TEX14: variants seen among roughly 807,000 people sequenced by gnomAD.
The protein encoded by TEX14 is testis expressed 14, intercellular bridge forming factor.
Under a neutral mutation model 178.6 loss-of-function variants are expected in TEX14, and 168 were observed. The ratio of observed to expected loss-of-function variants is 0.94; its 90% CI spans 0.83 to 1.07. TEX14 has a LOEUF of 1.07. TEX14 is among the 50% of genes least tolerant of loss of function. The pLI is 0.00. For synonymous variants in TEX14, 626 were observed against 634.1 expected (o/e 0.99, Z 0.19); for missense variants, 1,730 against 1,753.6 (o/e 0.99, Z 0.24).
intron 24 of TEX14, among the ~76,000 whole-genome samples, chr17:58,570,867 A>G: frequency 6.6e-6 from 1 of 151,708 alleles, no homozygotes; most frequent in Non-Finnish European, 1.5e-5. Flanking sequence ...CTGATCTCAA[A>G]TGATCCACCC....
At chr17:58,574,474 G>A (rs1303412731) in intron 21 of TEX14, among the ~76,000 whole-genome samples, 5 of 151,858 alleles carry the variant, frequency 3.3e-5, no homozygotes, top group Admixed American at 6.6e-5. Context: ...TCAACAGATC[G>A]AGACCATCCT....
chr17:58,639,537 C>T (rs2046524186), intron 2 of TEX14, among the ~76,000 whole-genome samples: 1 of 151,910 alleles, frequency 6.6e-6, no homozygotes. Context: ...CACGTCTCTA[C>T]TAAAAATACA....
intron 5 of TEX14, among the ~76,000 whole-genome samples, chr17:58,618,230 G>A (rs531431814): frequency 5.9e-5 from 9 of 152,214 alleles, no homozygotes; most frequent in Admixed American, 1.3e-4. Flanking sequence ...AGTTTGGGGG[G>A]TGATTCATTA....
At chr17:58,575,970 C>G (rs905866231) in intron 21 of TEX14, among the ~76,000 whole-genome samples, 9 of 152,104 alleles carry the variant, frequency 5.9e-5, no homozygotes, top group Admixed American at 3.3e-4. Flanking sequence ...TGGTATGTGC[C>G]TCACAGGGTT....
chr17:58,573,218 G>T lies in TEX14; in HGVS notation c.3474C>A (p.Asn1158Lys), dbSNP rs777553777. 1.1e-4 allele frequency: 181 copies of T among 1,613,874 alleles called. No individual in the cohort carries two copies. Among genetic ancestry groups the T allele is most frequent in the Non-Finnish European group, 1.4e-4 (163 of 1,179,864 alleles). ...GAGTGCTGACACTGGTAGGTGCATG[G>T]TTTATTTTGGGTGTTTTGCATGAAG... ...KEASCKTPKI[N>K]HAPTSVSTPL... Residue 1158 changes from asparagine to lysine, a missense_variant, in exon 23 of 32, where the codon AAC becomes AAA. Physicochemically the swap from Asn to Lys is moderately conservative, Grantham distance 94. Around this residue, in one of 2 missense-constraint regions of TEX14, gnomAD observed 941 missense variants for 1,072.4 expected, o/e 0.88. Transcript: ENST00000349033.
At chr17:58,635,329 T>C (rs1290309890) in intron 2 of TEX14, among the ~76,000 whole-genome samples, 1 of 151,736 alleles carries the variant, frequency 6.6e-6, no homozygotes, top group East Asian at 1.9e-4. Flanking sequence ...TGACAAGAAA[T>C]TATAGTTATT....
chr17:58,669,733 C>CAAAAAAA (rs71367615), intron 1 of TEX14, among the ~76,000 whole-genome samples: 2 of 56,296 alleles, frequency 3.6e-5, no homozygotes, highest in Non-Finnish European at 7.0e-5. Flanking sequence ...GACTCCGTCT[C>CAAAAAAA]AAAAAAAAAA....
chr17:58,668,471 T>A (rs1188788891), intron 1 of TEX14, among the ~76,000 whole-genome samples: 1 of 152,220 alleles, frequency 6.6e-6, no homozygotes, highest in Non-Finnish European at 1.5e-5. Context: ...GACTGTCTAC[T>A]GAATCATCTT....
intron 4 of TEX14, 56 bp downstream of exon 4, chr17:58,622,791 C>A: frequency 1.3e-6 from 2 of 1,522,618 alleles, no homozygotes; most frequent in Non-Finnish European, 1.8e-6. Flanking sequence ...GGGAGCCTGA[C>A]TCTCAGCCCA....
chr17:58,602,620 A>T, intron 11 of TEX14, 30 bp from the exon 12 acceptor site: 1 of 1,578,242 alleles, frequency 6.3e-7, no homozygotes, highest in Non-Finnish European at 8.6e-7. Flanking sequence ...CAAAAGAGTA[A>T]ATTAGGAAAC....
chr17:58,637,370 G>A (rs529149943), intron 2 of TEX14, among the ~76,000 whole-genome samples: 1 of 152,300 alleles, frequency 6.6e-6, no homozygotes, highest in African/African-American at 2.4e-5. Context: ...CTAGTGGCTG[G>A]GGCCACCCAG....
At chr17:58,603,491 G>A (rs1370868052) in intron 11 of TEX14, among the ~76,000 whole-genome samples, 1 of 150,000 alleles carries the variant, frequency 6.7e-6, no homozygotes, top group South Asian at 2.1e-4. Context: ...GGAGGTGGAG[G>A]TTGCAGTGAG....
At chr17:58,591,853 T>C (rs2144437617) in intron 15 of TEX14, among the ~76,000 whole-genome samples, 1 of 149,976 alleles carries the variant, frequency 6.7e-6, no homozygotes, top group Non-Finnish European at 1.5e-5. Context: ...AGGTCAGGAG[T>C]TCAAGACCAG....
Position 58,559,555 on chromosome 17 carries a change from T to G in TEX14, c.4165A>C (p.Asn1389His), listed in dbSNP as rs764543644. Residue 1389 changes from asparagine to histidine, a missense_variant, in exon 30 of 32, where the codon AAT becomes CAT. This residue lies in a region of TEX14 where 941 missense variants were observed against 1,072.4 expected (regional missense o/e 0.88). Coordinates refer to ENST00000349033, the MANE Select transcript of TEX14 (RefSeq NM_031272.5). Reference protein sequence around the residue: ...DLPKGSERETNIKDQKVGEEK... With the variant: ...DLPKGSERETHIKDQKVGEEK... ...TCACCAACTTTTTGATCTTTGATAT[T>G]TGTCTCCCTGTAACAACAATTATTT... The G allele has an allele frequency of 2.0e-6, 3 of 1,484,954 alleles. No homozygotes were observed. Among genetic ancestry groups the G allele is most frequent in the Non-Finnish European group, 1.9e-6 (2 of 1,065,092 alleles). 92.0% of individuals were successfully genotyped at this position (1,484,954 alleles called of 1,614,324 possible).
rs1234077564 is a variant in TEX14, at chr17:58,587,574, T to A, written c.2788+7A>T. On this transcript the variant is annotated splice_region_variant and intron_variant, in intron 17 of 31. Transcript: ENST00000349033. ...TTGTCTAATAAAACCCATGACTTTA[T>A]ACTCACTTTTCCATTTTAAGTGTAC... 6.6e-7 allele frequency: 1 copy of A among 1,509,164 alleles called. No individual in the cohort carries two copies. The highest frequency in any genetic ancestry group is 9.1e-7 in the Non-Finnish European group (1 of 1,092,954). 93.5% of individuals were successfully genotyped at this position (1,509,164 alleles called of 1,614,324 possible). A position where few individuals can be genotyped will look rare whatever the true frequency, so the allele number is the denominator to read the frequency against.
chr17:58,593,310 G>A (rs1174175168), intron 15 of TEX14, among the ~76,000 whole-genome samples: 2 of 152,192 alleles, frequency 1.3e-5, no homozygotes, highest in African/African-American at 4.8e-5. Flanking sequence ...AAGATGCTTT[G>A]CTTCTAACAA....
At chr17:58,586,123 AC>A in intron 17 of TEX14, 41 bp from the exon 18 acceptor site, 1 of 1,555,300 alleles carries the variant, frequency 6.4e-7, no homozygotes, top group South Asian at 1.2e-5. Context: ...ATCACTGTAA[AC>A]ACTGGAAACA....
Position 58,599,210 on chromosome 17 carries a change from G to T in TEX14, c.2135C>A (p.Ala712Asp). The T allele has an allele frequency of 6.2e-7, 1 of 1,613,942 alleles. No homozygotes were observed. The highest frequency in any genetic ancestry group is 1.7e-5 in the Admixed American group (1 of 59,990). ...SLSLPESTRE[A>D]KSNLNNMSTT... ...GGACATGTTGTTCAAATTGCTCTTG[G>T]CTTCTCTGGTTGACTCAGGAAGGCT... The change falls in exon 14 of 32, where the codon GCC becomes GAC. Residue 712 changes from alanine (A) to aspartate (D), a missense_variant. By Grantham distance (126) the Ala-to-Asp change is moderately radical. Coordinates refer to ENST00000349033, the MANE Select transcript of TEX14 (RefSeq NM_031272.5).
chr17:58,626,564 C>A (rs1344733448), intron 3 of TEX14, among the ~76,000 whole-genome samples: 1 of 74,206 alleles, frequency 1.3e-5, no homozygotes, highest in Non-Finnish European at 2.6e-5. Flanking sequence ...GGTGAGACTC[C>A]ATCTCAAAAA....
Sources: allele counts gnomAD v4.1 joint callset (sites outside exome capture counted in the v4.1 genomes callset), GRCh38; gene constraint gnomAD v4.1.1; regional missense constraint gnomAD v4.1.1; transcripts MANE v1.5; gene names NCBI Gene and HGNC (gene_info 2026-07-23, HGNC 2026-07-21).